BICD1: variants seen among roughly 807,000 people sequenced by gnomAD.
The protein encoded by BICD1 is BICD cargo adaptor 1, also known as protein bicaudal D homolog 1.
BICD1 carries 35 observed loss-of-function variants against 92.5 expected under a neutral mutation model. The ratio of observed to expected loss-of-function variants is 0.38; its 90% CI spans 0.29 to 0.50. The LOEUF (loss-of-function observed/expected upper bound fraction) is 0.50. Among genes scored for constraint, BICD1 ranks in the 20% least tolerant of loss-of-function variants. The pLI is 0.93. For missense variants in BICD1, 950 were observed against 1,189.8 expected, an observed-to-expected ratio of 0.80 and a Z score of 2.97; for synonymous variants, 429 against 465.1, an observed-to-expected ratio of 0.92 and a Z score of 1.00.
intron 1 of BICD1, among the ~76,000 whole-genome samples, chr12:32,134,606 A>G (rs1239618710): frequency 6.6e-6 from 1 of 152,198 alleles, no homozygotes; most frequent in South Asian, 2.1e-4. Flanking sequence ...GCTACTTGGT[A>G]GGGATGTCAA....
At chr12:32,183,715 G>A (rs1246895830) in intron 1 of BICD1, among the ~76,000 whole-genome samples, 2 of 152,216 alleles carry the variant, frequency 1.3e-5, no homozygotes, top group African/African-American at 4.8e-5. Context: ...GGATGACCCT[G>A]TAGCCTAAGA....
chr12:32,215,305 C>T (rs1030231250), intron 1 of BICD1, among the ~76,000 whole-genome samples: 5 of 152,146 alleles, frequency 3.3e-5, no homozygotes, highest in African/African-American at 1.2e-4. Context: ...ACGTTTCAGT[C>T]TCCCATTCTT....
chr12:32,370,304 T>C (rs1244025258), intron 9 of BICD1, among the ~76,000 whole-genome samples: 2 of 151,398 alleles, frequency 1.3e-5, no homozygotes, highest in Admixed American at 6.6e-5. Flanking sequence ...GAGGCGGAGG[T>C]TGCAGTGAGC....
chr12:32,354,858 ATTTC>A (rs1391463933), intron 8 of BICD1, among the ~76,000 whole-genome samples: 5 of 151,984 alleles, frequency 3.3e-5, no homozygotes, highest in African/African-American at 1.2e-4. Flanking sequence ...TATATATAAT[ATTTC>A]TTTCTCAGTT....
chr12:32,215,375 G>T (rs1173164564), intron 1 of BICD1, among the ~76,000 whole-genome samples: 2 of 151,974 alleles, frequency 1.3e-5, no homozygotes, highest in Non-Finnish European at 2.9e-5. Context: ...ATTTCTTTTT[G>T]CACAAATAAA....
intron 8 of BICD1, among the ~76,000 whole-genome samples, chr12:32,365,575 T>C (rs1270531562): frequency 6.6e-6 from 1 of 152,194 alleles, no homozygotes; most frequent in African/African-American, 2.4e-5. Flanking sequence ...TCATTATACC[T>C]CCCTGGCAAT....
intron 2 of BICD1, among the ~76,000 whole-genome samples, chr12:32,233,616 G>A (rs1376484378): frequency 1.3e-5 from 2 of 149,394 alleles, no homozygotes; most frequent in Non-Finnish European, 3.0e-5. Context: ...CTACTTCTCG[G>A]ACCATAAGAA....
At position 32,307,990 on chromosome 12, in the gene BICD1, C is replaced by T. The variant is rs569878995; in HGVS notation, c.1005+1868C>T. ...GTGCAGAAGATAATAGGAAAAGAGGCTTCTATGCATGAAACAGCACAACAA... is the reference window on the plus strand; with the variant it reads ...GTGCAGAAGATAATAGGAAAAGAGGTTTCTATGCATGAAACAGCACAACAA... On this transcript the variant is annotated intron_variant, in intron 4 of 9. Coordinates refer to ENST00000652176, the MANE Select transcript of BICD1 (RefSeq NM_001714.4). Among the ~76,000 whole-genome samples the T allele has an allele frequency of 9.0e-4, 137 of 152,302 alleles. 1 individual carries two copies. The highest frequency in any genetic ancestry group is 3.2e-3 in the African/African-American group (134 of 41,572).
intron 4 of BICD1, among the ~76,000 whole-genome samples, chr12:32,322,394 G>T (rs1419212041): frequency 1.3e-5 from 2 of 152,224 alleles, no homozygotes; most frequent in African/African-American, 2.4e-5. Flanking sequence ...CACAGATAGG[G>T]TGCGGGTGGT....
At chr12:32,300,604 G>A (rs1344432815) in intron 3 of BICD1, among the ~76,000 whole-genome samples, 2 of 150,340 alleles carry the variant, frequency 1.3e-5, no homozygotes, top group African/African-American at 4.9e-5. Flanking sequence ...GAAAAGGAAA[G>A]GGTTGAGAGG....
intron 1 of BICD1, chr12:32,108,822 G>T: frequency 1.9e-6 from 1 of 528,618 alleles, no homozygotes; most frequent in South Asian, 2.7e-5. Context: ...TTGTGTGTCA[G>T]GCTGTAAATT....
chr12:32,233,322 T>TTAAA (rs35803631), intron 2 of BICD1, among the ~76,000 whole-genome samples: 5 of 127,078 alleles, frequency 3.9e-5, no homozygotes, highest in Admixed American at 8.4e-5. Context: ...AGTCTGTCTT[T>TTAAA]AAAAAAAAAA....
intron 3 of BICD1, among the ~76,000 whole-genome samples, chr12:32,294,620 T>TAAA (rs60052535): frequency 1.4e-4 from 9 of 65,610 alleles, no homozygotes; most frequent in Admixed American, 1.8e-4. Flanking sequence ...GACTCCGTCT[T>TAAA]AAAAAAAAAA....
At chr12:32,257,571 T>C (rs1043728402) in intron 2 of BICD1, among the ~76,000 whole-genome samples, 1 of 152,166 alleles carries the variant, frequency 6.6e-6, no homozygotes, top group Non-Finnish European at 1.5e-5. Flanking sequence ...CTTGAAAAAC[T>C]GTTTGGCCTT....
intron 3 of BICD1, among the ~76,000 whole-genome samples, chr12:32,300,206 A>G (rs1022629320): frequency 2.0e-5 from 3 of 151,528 alleles, no homozygotes. Context: ...GGTTCACGCC[A>G]TTCTCCTGCC....
At chr12:32,236,935 C>A (rs1420709228) in intron 2 of BICD1, among the ~76,000 whole-genome samples, 1 of 139,100 alleles carries the variant, frequency 7.2e-6, no homozygotes, top group Non-Finnish European at 1.5e-5. Context: ...AGTGCATTGG[C>A]ACAATCTCGG....
At chr12:32,374,936 T>TTTTTTA in intron 9 of BICD1, among the ~76,000 whole-genome samples, 1 of 118,022 alleles carries the variant, frequency 8.5e-6, no homozygotes, top group Non-Finnish European at 1.7e-5. Flanking sequence ...TTTTTTTTTT[T>TTTTTTA]GAGACGGAGT....
intron 9 of BICD1, 81 bp downstream of exon 9, chr12:32,367,826 T>G: frequency 8.1e-7 from 1 of 1,228,946 alleles, no homozygotes; most frequent in Non-Finnish European, 1.2e-6. Flanking sequence ...ACACCTGAAC[T>G]GCCTACGCAT....
chr12:32,301,631 C>G (rs1948049628), intron 3 of BICD1, among the ~76,000 whole-genome samples: 1 of 151,598 alleles, frequency 6.6e-6, no homozygotes, highest in Admixed American at 6.6e-5. Context: ...AAAAAAAAGC[C>G]AAGCATGGAG....
Sources: allele counts gnomAD v4.1 joint callset (sites outside exome capture counted in the v4.1 genomes callset), GRCh38; gene constraint gnomAD v4.1.1; transcripts MANE v1.5; gene names NCBI Gene and HGNC (gene_info 2026-07-23, HGNC 2026-07-21).